The following RHOU variants were observed in gnomAD, a reference collection of about 807,000 sequenced individuals.
RHOU encodes the protein rho-related GTP-binding protein RhoU.
A neutral mutation model predicts 12.6 loss-of-function variants in RHOU; 8 were observed. That is an observed-to-expected ratio of 0.64 (90% CI 0.37 to 1.15). The LOEUF is 1.15. Ranked by LOEUF, RHOU falls within the 50% of genes most tolerant of loss-of-function variation. The pLI is 0.01. For synonymous variants in RHOU, 161 were observed against 147.4 expected (o/e 1.09, Z -0.67); for missense variants, 258 against 347.0 (o/e 0.74, Z 2.04).
the RHOU span, among the ~76,000 whole-genome samples, chr1:228,684,061 G>A: frequency 2.6e-5 from 4 of 152,246 alleles, no homozygotes; most frequent in South Asian, 2.1e-4. Flanking sequence ...TTTTTGAGAC[G>A]GAGTCTTGCT....
the RHOU span, among the ~76,000 whole-genome samples, chr1:228,661,450 C>A: frequency 0.013 from 1,921 of 152,160 alleles, 18 homozygotes; most frequent in Middle Eastern, 0.037. Flanking sequence ...CTACAGTAAC[C>A]AAACAGCATG....
the RHOU span, among the ~76,000 whole-genome samples, chr1:228,690,543 A>G: frequency 2.1e-4 from 32 of 151,574 alleles, no homozygotes; most frequent in South Asian, 2.1e-4. Context: ...GCTGGTCTCG[A>G]ACTCCTGACC....
chr1:228,671,676 G>A, the RHOU span, among the ~76,000 whole-genome samples: 1 of 128,064 alleles, frequency 7.8e-6, no homozygotes, highest in Admixed American at 9.5e-5. Context: ...GAGGGCCACT[G>A]CACTCCAGCC....
the RHOU span, among the ~76,000 whole-genome samples, chr1:228,670,355 G>T: frequency 2.0e-5 from 3 of 152,198 alleles, no homozygotes; most frequent in African/African-American, 7.2e-5. Context: ...CTGGGCAGTT[G>T]CCCAGAGCAC....
At chr1:228,704,866 G>C in the RHOU span, among the ~76,000 whole-genome samples, 1 of 151,390 alleles carries the variant, frequency 6.6e-6, no homozygotes, top group Admixed American at 6.6e-5. Context: ...GCAGTGGAGC[G>C]ATCTCAGTTC....
chr1:228,674,130 TTC>T, the RHOU span, among the ~76,000 whole-genome samples: 1 of 152,196 alleles, frequency 6.6e-6, no homozygotes, highest in Admixed American at 6.5e-5. Context: ...TGATATTGAG[TTC>T]CTTTTCATGC....
the RHOU span, among the ~76,000 whole-genome samples, chr1:228,713,861 A>C: frequency 6.6e-6 from 1 of 152,098 alleles, no homozygotes; most frequent in African/African-American, 2.4e-5. Context: ...ATGCTGTTAG[A>C]ACTGAATTGA....
At chr1:228,694,788 T>G in the RHOU span, among the ~76,000 whole-genome samples, 1 of 152,206 alleles carries the variant, frequency 6.6e-6, no homozygotes, top group Admixed American at 6.5e-5. Flanking sequence ...AATATACGCA[T>G]GCATTTATCT....
upstream of RHOU, among the ~76,000 whole-genome samples, chr1:228,733,931 G>C (rs1662544058): frequency 6.6e-6 from 1 of 152,162 alleles, no homozygotes; most frequent in Non-Finnish European, 1.5e-5. Context: ...CTGAGAGTAA[G>C]GGCCCTCTAA....
At chr1:228,662,674 C>T in the RHOU span, among the ~76,000 whole-genome samples, 11 of 110,222 alleles carry the variant, frequency 1.0e-4, no homozygotes, top group African/African-American at 3.6e-4. Flanking sequence ...CACACTGGGT[C>T]CTGTTGTAGG....
At chr1:228,668,909 G>A in the RHOU span, among the ~76,000 whole-genome samples, 1 of 152,176 alleles carries the variant, frequency 6.6e-6, no homozygotes, top group Admixed American at 6.5e-5. Context: ...ACATGACAAG[G>A]TTGGGGAATC....
the RHOU span, among the ~76,000 whole-genome samples, chr1:228,676,492 C>T: frequency 4.0e-5 from 6 of 151,600 alleles, no homozygotes; most frequent in African/African-American, 9.7e-5. Context: ...GTCTCCATCT[C>T]GAAAAAAAAC....
At chr1:228,660,032 T>A in the RHOU span, among the ~76,000 whole-genome samples, 14 of 151,304 alleles carry the variant, frequency 9.3e-5, no homozygotes, top group Admixed American at 7.2e-4. Context: ...CAAAAGCCTG[T>A]TGTCCCAGCT....
At chr1:228,726,884 T>C in the RHOU span, among the ~76,000 whole-genome samples, 1 of 152,162 alleles carries the variant, frequency 6.6e-6, no homozygotes, top group South Asian at 2.1e-4. Context: ...AGGAGGGTCT[T>C]TTTGGACCCA....
At chr1:228,681,306 G>T in the RHOU span, among the ~76,000 whole-genome samples, 4 of 152,162 alleles carry the variant, frequency 2.6e-5, no homozygotes, top group African/African-American at 9.7e-5. Context: ...GGAGTTAATA[G>T]AAGGGTTATA....
chr1:228,650,491 G>A, the RHOU span: 40 of 456,642 alleles, frequency 8.8e-5, no homozygotes, highest in African/African-American at 5.8e-4. Flanking sequence ...CCTGGTGGCC[G>A]TGATGGTGCT....
At chr1:228,670,596 G>A in the RHOU span, among the ~76,000 whole-genome samples, 25,435 of 152,126 alleles carry the variant, frequency 0.17, 2,307 homozygotes, top group East Asian at 0.32. Flanking sequence ...CTTCTGGAAC[G>A]TTCTATGATG....
At chr1:228,694,446 A>T in the RHOU span, among the ~76,000 whole-genome samples, 1 of 152,172 alleles carries the variant, frequency 6.6e-6, no homozygotes, top group Non-Finnish European at 1.5e-5. Flanking sequence ...TTTTGCCCGG[A>T]ATCCATTAGC....
chr1:228,714,355 G>A, the RHOU span, among the ~76,000 whole-genome samples: 1 of 152,078 alleles, frequency 6.6e-6, no homozygotes, highest in Non-Finnish European at 1.5e-5. Flanking sequence ...AAAATAATTA[G>A]GAAAATATCC....
Sources: gnomAD v4.1 joint callset for allele counts (sites outside exome capture counted in the v4.1 genomes callset) on GRCh38, gnomAD v4.1.1 for gene constraint, MANE v1.5 for transcripts, NCBI Gene and HGNC (gene_info 2026-07-23, HGNC 2026-07-21) for gene names.